The following PAN3 variants were observed in gnomAD, a reference collection of about 807,000 sequenced individuals.
PAN3 encodes the protein poly(A) specific ribonuclease subunit PAN3.
Under a neutral mutation model 96.2 loss-of-function variants are expected in PAN3, and 19 were observed. The ratio of observed to expected loss-of-function variants is 0.20; its 90% CI spans 0.14 to 0.29. The LOEUF (loss-of-function observed/expected upper bound fraction) is 0.29. PAN3 is among the 10% of genes least tolerant of loss of function. PAN3 has a pLI of 1.00. For synonymous variants in PAN3, 433 were observed against 406.6 expected, an observed-to-expected ratio of 1.06 and a Z score of -0.78; for missense variants, 882 against 1,108.1, an observed-to-expected ratio of 0.80 and a Z score of 2.90.
At chr13:28,234,424 A>G (rs1593528543) in intron 6 of PAN3, among the ~76,000 whole-genome samples, 1 of 152,320 alleles carries the variant, frequency 6.6e-6, no homozygotes, top group East Asian at 1.9e-4. Flanking sequence ...GGAGTTTTGT[A>G]TGATTATGAA....
chr13:28,208,007 A>T (rs2138303054), intron 5 of PAN3, among the ~76,000 whole-genome samples: 1 of 152,318 alleles, frequency 6.6e-6, no homozygotes, highest in East Asian at 1.9e-4. Flanking sequence ...ATTATTGATT[A>T]GCTGGATGAA....
chr13:28,221,671 C>G (rs1388217717), intron 6 of PAN3, among the ~76,000 whole-genome samples: 4 of 152,128 alleles, frequency 2.6e-5, no homozygotes, highest in Non-Finnish European at 5.9e-5. Context: ...TGTCTCCCTT[C>G]CAACTCCCCT....
chr13:28,221,021 C>T (rs528214439), intron 6 of PAN3, among the ~76,000 whole-genome samples: 37 of 152,098 alleles, frequency 2.4e-4, no homozygotes, highest in Non-Finnish European at 3.8e-4. Context: ...TCCAGGAGTC[C>T]TGAAGGCATA....
At chr13:28,168,516 T>G (rs1213854628) in intron 1 of PAN3, among the ~76,000 whole-genome samples, 1 of 152,028 alleles carries the variant, frequency 6.6e-6, no homozygotes, top group East Asian at 1.9e-4. Flanking sequence ...GCCAGGAGTT[T>G]GAGACCAGCC....
intron 7 of PAN3, among the ~76,000 whole-genome samples, chr13:28,260,061 A>G (rs900598166): frequency 1.1e-4 from 16 of 152,224 alleles, no homozygotes; most frequent in African/African-American, 3.9e-4. Context: ...TCATGTAAAG[A>G]TTAAAATTTT....
At chr13:28,256,630 A>G in intron 7 of PAN3, 91 bp downstream of exon 7, 1 of 1,326,528 alleles carries the variant, frequency 7.5e-7, no homozygotes, top group Non-Finnish European at 1.0e-6. Context: ...GCAGCTTTTT[A>G]TTGTGATGCA....
chr13:28,180,809 G>C (rs1223252894), intron 4 of PAN3, among the ~76,000 whole-genome samples: 1 of 152,028 alleles, frequency 6.6e-6, no homozygotes, highest in Non-Finnish European at 1.5e-5. Context: ...TTTTATAGTA[G>C]GCAGTTTTAC....
chr13:28,174,078 TAGTC>T (rs1188140272), intron 1 of PAN3, among the ~76,000 whole-genome samples, 190 bp from the exon 2 acceptor site: 46 of 152,312 alleles, frequency 3.0e-4, no homozygotes, highest in African/African-American at 9.9e-4. Flanking sequence ...GGGAAATAAT[TAGTC>T]AGCTTGAGCA....
At position 28,177,827 on chromosome 13, in the gene PAN3, A is replaced by G. The variant is rs45591843; in HGVS notation, c.620-38A>G. On this transcript the variant is annotated intron_variant, in intron 3 of 18. Coordinates refer to ENST00000380958, the MANE Select transcript of PAN3 (RefSeq NM_175854.8). ...AGTTATTAGATTTGCGGGTTACCCA[A>G]GTTTTATGTGTGGAAACTTACGTAA... 3.5e-4 allele frequency: 538 copies of G among 1,551,594 alleles called. 2 individuals carry two copies. In the African/African-American group the frequency reaches 4.7e-3, roughly 14 times the overall value.
chr13:28,214,340 A>T (rs1041909823), intron 5 of PAN3, among the ~76,000 whole-genome samples: 1 of 152,232 alleles, frequency 6.6e-6, no homozygotes, highest in Non-Finnish European at 1.5e-5. Flanking sequence ...GGATGAAAGG[A>T]TAAACAAATT....
chr13:28,143,202 CCT>C (rs1870104849), intron 1 of PAN3, among the ~76,000 whole-genome samples: 1 of 152,010 alleles, frequency 6.6e-6, no homozygotes, highest in African/African-American at 2.4e-5. Flanking sequence ...GATCCTAGCA[CCT>C]CAGCCTCCTG....
At chr13:28,171,368 G>A (rs769377786) in intron 1 of PAN3, among the ~76,000 whole-genome samples, 20 of 152,020 alleles carry the variant, frequency 1.3e-4, no homozygotes, top group Non-Finnish European at 2.5e-4. Context: ...TTACCACATG[G>A]GTGTCCTACA....
Position 28,138,696 on chromosome 13 carries a change from C to T in PAN3, c.39C>T (p.Ala13=). The T allele has an allele frequency of 9.3e-7, 1 of 1,073,828 alleles. No homozygotes were observed. Among genetic ancestry groups the T allele is most frequent in the Non-Finnish European group, 1.2e-6 (1 of 818,946 alleles). 66.5% of individuals were successfully genotyped at this position (1,073,828 alleles called of 1,614,324 possible). The change falls in exon 1 of 19, where the codon GCC becomes GCT. Residue 13 remains alanine (A), a synonymous_variant. Coordinates refer to ENST00000380958, the MANE Select transcript of PAN3 (RefSeq NM_175854.8). ...GCGGCCTCCCGCCCCCCTCGGCCGCCGCCTCCCCTTCCTCCTCCTCGCTGG... is the reference window on the plus strand; with the variant it reads ...GCGGCCTCCCGCCCCCCTCGGCCGCTGCCTCCCCTTCCTCCTCCTCGCTGG... The part of the protein sequence containing the change: ...SGGGLPPPSA[A]ASPSSSSLAA...
Position 28,288,095 on chromosome 13 carries a change from C to T in PAN3, c.2496C>T (p.Leu832=), listed in dbSNP as rs376730990. 2.5e-6 allele frequency: 4 copies of T among 1,608,950 alleles called. No individual in the cohort carries two copies. The African/African-American group carries it at 5.4e-5, about 22-fold the overall frequency. Reference sequence around the variant, plus strand: ...AAGCAGGTGCTCCCTGGATTGACCTCAGTCATATAATTTCTTGTCTTAACA... The same window carrying T: ...AAGCAGGTGCTCCCTGGATTGACCTTAGTCATATAATTTCTTGTCTTAACA... ...VTEAGAPWID[L]SHIISCLNKL... The change falls in exon 18 of 19, where the codon CTC becomes CTT. Residue 832 remains leucine (L), a synonymous_variant. Coordinates refer to ENST00000380958, the MANE Select transcript of PAN3 (RefSeq NM_175854.8).
intron 4 of PAN3, among the ~76,000 whole-genome samples, chr13:28,193,295 TC>T (rs1821042114): frequency 6.6e-6 from 1 of 152,156 alleles, no homozygotes; most frequent in Non-Finnish European, 1.5e-5. Flanking sequence ...TGTTTAGAGA[TC>T]TCTTCTACCT....
chr13:28,164,738 T>C (rs1873320848), intron 1 of PAN3, among the ~76,000 whole-genome samples: 1 of 152,240 alleles, frequency 6.6e-6, no homozygotes, highest in African/African-American at 2.4e-5. Flanking sequence ...AGATGACCTT[T>C]TGAGTAACAC....
intron 6 of PAN3, among the ~76,000 whole-genome samples, chr13:28,249,222 C>T (rs946152023): frequency 1.3e-5 from 2 of 152,090 alleles, no homozygotes; most frequent in East Asian, 1.9e-4. Flanking sequence ...AGCCATTGCT[C>T]GACTAAAAGT....
chr13:28,145,106 G>A (rs776376481), intron 1 of PAN3, among the ~76,000 whole-genome samples: 5 of 152,012 alleles, frequency 3.3e-5, no homozygotes, highest in Non-Finnish European at 5.9e-5. Context: ...AGAATCACCC[G>A]AAATTGTAAG....
At chr13:28,254,072 A>G (rs1263724290) in intron 6 of PAN3, among the ~76,000 whole-genome samples, 3 of 152,160 alleles carry the variant, frequency 2.0e-5, no homozygotes, top group Non-Finnish European at 4.4e-5. Flanking sequence ...ACATAGCCCC[A>G]TCCCCACGTA....
Sources: gnomAD v4.1 joint callset for allele counts (sites outside exome capture counted in the v4.1 genomes callset) on GRCh38, gnomAD v4.1.1 for gene constraint, MANE v1.5 for transcripts, NCBI Gene and HGNC (gene_info 2026-07-23, HGNC 2026-07-21) for gene names.